Variants in ANXA9 observed in about 807,000 individuals in gnomAD.
ANXA9 encodes annexin A9, also known as annexin 31.
ANXA9 carries 47 observed loss-of-function variants against 51.8 expected under a neutral mutation model. That is an observed-to-expected ratio of 0.91 (90% CI 0.72 to 1.16). ANXA9 has a LOEUF of 1.16. Ranked by LOEUF, ANXA9 falls within the 50% of genes most tolerant of loss-of-function variation. The pLI is 0.00. For missense variants in ANXA9, 361 were observed against 424.7 expected, an observed-to-expected ratio of 0.85 and a Z score of 1.32; for synonymous variants, 154 against 168.7, an observed-to-expected ratio of 0.91 and a Z score of 0.68.
intron 7 of ANXA9, 42 bp from the exon 8 acceptor site, chr1:150,986,294 G>A (rs765425259): frequency 1.9e-6 from 3 of 1,589,826 alleles, no homozygotes; most frequent in Non-Finnish European, 2.6e-6. Flanking sequence ...TCTACACTAG[G>A]AAAACTCAGG....
rs746611661 is a variant in ANXA9 at position 150,983,369 on chromosome 1, G to A, written c.107G>A (p.Arg36Lys). The change falls in exon 4 of 14, where the codon AGG becomes AAG. Residue 36 changes from arginine (R) to lysine (K), a missense_variant. Physicochemically the swap from Arg to Lys is conservative, Grantham distance 26 (BLOSUM62 2). Transcript: ENST00000368947. ...GCGTGGGGGACCCTGGGCACCCTCA[G>A]GACCTTCTTGAACTTCAGCGTGGAC... ...TAAWGTLGTL[R>K]TFLNFSVDKD... is the part of the protein sequence containing the mutation. 1.2e-6 allele frequency: 2 copies of A among 1,614,102 alleles called. No individual in the cohort carries two copies. The highest frequency in any genetic ancestry group is 1.7e-6 in the Non-Finnish European group (2 of 1,179,972).
intron 12 of ANXA9, among the ~76,000 whole-genome samples, chr1:150,990,873 G>A (rs371022282): frequency 2.6e-5 from 4 of 151,866 alleles, no homozygotes; most frequent in East Asian, 2.0e-4. Context: ...GGCCAGGCGC[G>A]GTGGCTCATG....
At chr1:150,986,475 G>C (rs929733009) in intron 8 of ANXA9, 60 bp downstream of exon 8, 4 of 1,587,102 alleles carry the variant, frequency 2.5e-6, no homozygotes, top group Admixed American at 3.3e-5. Context: ...AGACACGCTG[G>C]AGCAGGGAGC....
intron 12 of ANXA9, among the ~76,000 whole-genome samples, chr1:150,988,582 CA>C (rs1671625914): frequency 6.6e-6 from 1 of 152,142 alleles, no homozygotes; most frequent in African/African-American, 2.4e-5. Flanking sequence ...TCTAGGTGGC[CA>C]AATAGAGATA....
chr1:150,992,318 G>T (rs934404741), intron 12 of ANXA9, among the ~76,000 whole-genome samples: 9 of 152,174 alleles, frequency 5.9e-5, no homozygotes, highest in African/African-American at 2.2e-4. Flanking sequence ...GGGAGGCCAA[G>T]GCAGGTGAAT....
At chr1:150,985,202 A>T (rs1441824138) in intron 7 of ANXA9, among the ~76,000 whole-genome samples, 2 of 151,722 alleles carry the variant, frequency 1.3e-5, no homozygotes, top group African/African-American at 2.4e-5. Context: ...ACACACACAC[A>T]CACACACACA....
rs749748076 is a variant in ANXA9 at position 150,988,147 on chromosome 1, C to A, written c.754C>A (p.Arg252Ser). 3 of 1,614,174 alleles carry A rather than the reference C, an allele frequency of 1.9e-6. No homozygotes were observed. Among genetic ancestry groups the A allele is most frequent in the East Asian group, 4.5e-5 (2 of 44,890 alleles). The change falls in exon 11 of 14, where the codon CGT becomes AGT. Residue 252 changes from arginine to serine, a missense_variant. Coordinates refer to ENST00000368947, the MANE Select transcript of ANXA9 (RefSeq NM_003568.3). ...GQELEEAVQNRFHGDAQVALL... is the reference protein window; with the variant it reads ...GQELEEAVQNSFHGDAQVALL... ...AGAGCTGGAGGAGGCTGTCCAGAAC[C>A]GTTTCCATGGAGATGCTCAGGTGGC...
chr1:150,990,997 G>C (rs1164203906), intron 12 of ANXA9, among the ~76,000 whole-genome samples: 1 of 151,728 alleles, frequency 6.6e-6, no homozygotes, highest in East Asian at 2.0e-4. Context: ...ACAGAAATTA[G>C]CCAGGCGTGG....
rs1018683931 is a variant in ANXA9 at position 150,986,260 on chromosome 1, G to A, written c.473-76G>A. On this transcript the variant is annotated intron_variant, in intron 7 of 13. Coordinates refer to ENST00000368947, the MANE Select transcript of ANXA9 (RefSeq NM_003568.3). ...AGGGCTGGCAGGGTATAGCGGGTCAGGCATTTGGCAGGTCCTGGGGATATC... is the reference window on the plus strand; with the variant it reads ...AGGGCTGGCAGGGTATAGCGGGTCAAGCATTTGGCAGGTCCTGGGGATATC... 8.4e-5 allele frequency: 113 copies of A among 1,342,508 alleles called. 2 individuals are homozygous for A. Among genetic ancestry groups the A allele is most frequent in the Non-Finnish European group, 1.1e-4 (107 of 937,094 alleles). 83.2% of individuals were successfully genotyped at this position (1,342,508 alleles called of 1,614,324 possible). A position where few individuals can be genotyped will look rare whatever the true frequency, so the allele number is the denominator to read the frequency against.
At position 150,995,551 on chromosome 1, in the gene ANXA9, GT is replaced by G; in HGVS notation, c.*233del. ...CTCCTTCTTGGGTGTGGGGAAATGA[GT>G]TTTCTTTGATAGTTTCTGCCTCACT... On this transcript the variant is annotated 3_prime_UTR_variant, in exon 14 of 14. Coordinates refer to ENST00000368947, the MANE Select transcript of ANXA9 (RefSeq NM_003568.3). The G allele has an allele frequency of 2.2e-6, 1 of 463,700 alleles. No homozygotes were observed. The highest frequency in any genetic ancestry group is 3.5e-5 in the South Asian group (1 of 28,196). 28.7% of individuals were successfully genotyped at this position (463,700 alleles called of 1,614,324 possible).
intron 12 of ANXA9, among the ~76,000 whole-genome samples, chr1:150,992,686 T>C (rs1037674708): frequency 2.0e-5 from 3 of 152,174 alleles, no homozygotes; most frequent in African/African-American, 7.2e-5. Context: ...GCACATGCTA[T>C]AGTCCCAGCT....
intron 7 of ANXA9, among the ~76,000 whole-genome samples, 185 bp from the exon 8 acceptor site, chr1:150,986,151 A>G (rs1229876963): frequency 6.6e-6 from 1 of 152,080 alleles, no homozygotes; most frequent in African/African-American, 2.4e-5. Context: ...CAACTTAGAG[A>G]TGTTTTTAGA....
At chr1:150,988,228 G>T in intron 11 of ANXA9, 42 bp downstream of exon 11, 1 of 1,614,218 alleles carries the variant, frequency 6.2e-7, no homozygotes, top group Non-Finnish European at 8.5e-7. Context: ...TCTCTCTTGG[G>T]ATGGGAGATT....
At chr1:150,981,768 A>G (rs1449942909), upstream of ANXA9, among the ~76,000 whole-genome samples, 1 of 152,068 alleles carries the variant, frequency 6.6e-6, no homozygotes, top group African/African-American at 2.4e-5. Context: ...ATCCCTGGGC[A>G]CTCTCCACCT....
upstream of ANXA9, among the ~76,000 whole-genome samples, chr1:150,981,704 C>T (rs886504491): frequency 6.6e-6 from 1 of 152,254 alleles, no homozygotes; most frequent in Non-Finnish European, 1.5e-5. Flanking sequence ...TGACTCTGTT[C>T]ATCAACTTCC....
At position 150,988,154 on chromosome 1, in the gene ANXA9, A is replaced by G. The variant is rs370252595; in HGVS notation, c.761A>G (p.His254Arg). Reference protein sequence around the residue: ...ELEEAVQNRFHGDAQVALLGL... With the variant: ...ELEEAVQNRFRGDAQVALLGL... ...GAGGAGGCTGTCCAGAACCGTTTCC[A>G]TGGAGATGCTCAGGTGGCTCTGCTC... is the stretch of plus-strand genomic sequence containing the variant. The change falls in exon 11 of 14, where the codon CAT (histidine) becomes CGT (arginine). Residue 254 changes from histidine to arginine, a missense_variant. Transcript: ENST00000368947. The G allele has an allele frequency of 2.5e-6, 4 of 1,614,078 alleles. No homozygotes were observed. The highest frequency in any genetic ancestry group is 1.7e-5 in the Admixed American group (1 of 59,998).
intron 12 of ANXA9, among the ~76,000 whole-genome samples, chr1:150,988,886 C>T (rs1671633007): frequency 1.3e-5 from 2 of 152,152 alleles, no homozygotes; most frequent in South Asian, 4.1e-4. Flanking sequence ...AGATATTGAC[C>T]ATCCTTGTCA....
intron 3 of ANXA9, 77 bp from the exon 4 acceptor site, chr1:150,983,261 G>A (rs1671457664): frequency 6.3e-7 from 1 of 1,597,782 alleles, no homozygotes; most frequent in Non-Finnish European, 8.6e-7. Flanking sequence ...GAAAGTGGAG[G>A]ACAGGCCCTG....
rs996620886 is a variant in ANXA9 at position 150,994,684 on chromosome 1, C to G, written c.960C>G (p.Leu320=). ...TCAGGAAGAAATTTGGGAAGTCCCT[C>G]TACTCTTCTCTCCAGGTGAAACTTG... is the stretch of plus-strand genomic sequence containing the variant. ...AEFRKKFGKS[L]YSSLQDAVKG... is the part of the protein sequence containing the mutation. The change falls in exon 13 of 14, where the codon CTC becomes CTG. Residue 320 remains leucine (L), a synonymous_variant. Coordinates refer to ENST00000368947, the MANE Select transcript of ANXA9 (RefSeq NM_003568.3). 6.2e-7 allele frequency: 1 copy of G among 1,614,056 alleles called. No homozygotes were observed. Among genetic ancestry groups the G allele is most frequent in the Non-Finnish European group, 8.5e-7 (1 of 1,179,922 alleles).
Sources: gnomAD v4.1 joint callset for allele counts (sites outside exome capture counted in the v4.1 genomes callset) on GRCh38, gnomAD v4.1.1 for gene constraint, MANE v1.5 for transcripts, NCBI Gene and HGNC (gene_info 2026-07-23, HGNC 2026-07-21) for gene names.